SHTN1: variants seen among roughly 807,000 people sequenced by gnomAD.
SHTN1 encodes shootin 1, also known as shootin-1.
A neutral mutation model predicts 83.1 loss-of-function variants in SHTN1; 42 were observed. The observed-to-expected ratio is 0.51, with a 90% confidence interval of 0.39 to 0.65. SHTN1 has a LOEUF of 0.65. Among genes scored for constraint, SHTN1 ranks in the 30% least tolerant of loss-of-function variants. The pLI, the probability that SHTN1 is intolerant of heterozygous loss-of-function variation, is 0.00. For synonymous variants in SHTN1, 224 were observed against 247.7 expected (o/e 0.90, Z 0.90); for missense variants, 622 against 737.8 (o/e 0.84, Z 1.82).
chr10:116,914,750 G>C (rs746514162), intron 13 of SHTN1, among the ~76,000 whole-genome samples: 6 of 152,150 alleles, frequency 3.9e-5, no homozygotes, highest in Non-Finnish European at 7.4e-5. Context: ...AACAAAGGCA[G>C]GGGAGAGATC....
At chr10:117,109,553 CTT>C (rs374713015) in intron 1 of SHTN1, among the ~76,000 whole-genome samples, 47 of 42,930 alleles carry the variant, frequency 1.1e-3, no homozygotes, top group African/African-American at 3.6e-3. Flanking sequence ...ACATATATTA[CTT>C]TTTTTTTTTT....
chr10:116,886,328 GCTT>G lies in SHTN1; in HGVS notation c.*13_*15del, dbSNP rs1248574364. On this transcript the variant is annotated 3_prime_UTR_variant, in exon 17 of 17. Coordinates refer to ENST00000355371, the MANE Select transcript of SHTN1 (RefSeq NM_001127211.3). ...TGAAAAGGACTTCCAAACATGTCAG[GCTT>G]CTGGTTTATGGATCAGCAGTTGGAG... The G allele has an allele frequency of 3.7e-5, 57 of 1,552,176 alleles. No individual in the cohort carries two copies. Among genetic ancestry groups the G allele is most frequent in the Non-Finnish European group, 5.0e-5 (57 of 1,147,122 alleles).
chr10:116,927,813 G>A lies in SHTN1; in HGVS notation c.1091C>T (p.Pro364Leu), dbSNP rs139468743. 21 of 1,599,680 alleles carry A rather than the reference G, an allele frequency of 1.3e-5. No homozygotes were observed. In the African/African-American group the frequency reaches 2.6e-4, roughly 20 times the overall value. Residue 364 changes from proline to leucine, a missense_variant, in exon 11 of 17, where the codon CCT (proline) becomes CTT (leucine). Transcript: ENST00000355371. ...TTACCGGATAGGATTGGGAGGTGGA[G>A]GGGGAAGTGGTGGTGGAGGAGGAGG... is the stretch of plus-strand genomic sequence containing the variant. ...PPPPPPPPLP[P>L]PPPNPIRSLM...
At chr10:117,068,498 T>C (rs995148123) in intron 1 of SHTN1, among the ~76,000 whole-genome samples, 3 of 151,760 alleles carry the variant, frequency 2.0e-5, no homozygotes, top group African/African-American at 7.3e-5. Flanking sequence ...GATGTATAGA[T>C]CACTCTCAAG....
chr10:117,061,220 C>T (rs1163717278), intron 1 of SHTN1, among the ~76,000 whole-genome samples: 1 of 149,502 alleles, frequency 6.7e-6, no homozygotes, highest in African/African-American at 2.5e-5. Flanking sequence ...GATCCTGGCT[C>T]ACTGCAACCT....
chr10:116,897,688 A>T (rs887206009), intron 16 of SHTN1, among the ~76,000 whole-genome samples: 1 of 152,196 alleles, frequency 6.6e-6, no homozygotes, highest in Non-Finnish European at 1.5e-5. Flanking sequence ...CAGGGCAGGC[A>T]TTACTACCAT....
At chr10:116,922,771 C>T (rs1340152510) in intron 11 of SHTN1, among the ~76,000 whole-genome samples, 2 of 152,076 alleles carry the variant, frequency 1.3e-5, no homozygotes, top group Non-Finnish European at 2.9e-5. Context: ...TCGAGACCAG[C>T]CTGGCCAACA....
intron 1 of SHTN1, among the ~76,000 whole-genome samples, chr10:117,078,953 C>T (rs1853207733): frequency 6.6e-6 from 1 of 151,288 alleles, no homozygotes; most frequent in African/African-American, 2.4e-5. Context: ...TAGTGATGGC[C>T]CTGCTTTAAT....
At chr10:116,977,803 T>C (rs1850863135) in intron 2 of SHTN1, among the ~76,000 whole-genome samples, 1 of 152,072 alleles carries the variant, frequency 6.6e-6, no homozygotes, top group Non-Finnish European at 1.5e-5. Context: ...ACCTCGCAAG[T>C]AGCTGGGACT....
chr10:117,044,230 T>C (rs1246950188), intron 2 of SHTN1, among the ~76,000 whole-genome samples: 1 of 152,150 alleles, frequency 6.6e-6, no homozygotes, highest in African/African-American at 2.4e-5. Flanking sequence ...TACATATTCT[T>C]ATACACATAT....
intron 10 of SHTN1, 33 bp downstream of exon 10, chr10:116,929,816 A>G (rs1344030232): frequency 2.0e-6 from 3 of 1,507,206 alleles, no homozygotes; most frequent in Admixed American, 2.1e-5. Flanking sequence ...AAAGATTAAT[A>G]GTAAGACATA....
At chr10:116,931,364 T>C (rs984014242) in intron 9 of SHTN1, among the ~76,000 whole-genome samples, 20 of 152,132 alleles carry the variant, frequency 1.3e-4, no homozygotes, top group East Asian at 9.6e-4. Context: ...TTCTTGTGCT[T>C]CAGCCTCCTG....
At chr10:117,004,907 C>A in intron 1 of SHTN1, 115 bp downstream of exon 1, 3 of 886,042 alleles carry the variant, frequency 3.4e-6, no homozygotes, top group Non-Finnish European at 3.3e-6. Context: ...CTGCGGTGAC[C>A]ACGGCGGCCG....
At chr10:116,967,035 T>C (rs895936285) in intron 3 of SHTN1, among the ~76,000 whole-genome samples, 1 of 152,236 alleles carries the variant, frequency 6.6e-6, no homozygotes, top group East Asian at 1.9e-4. Context: ...TTAACCATAA[T>C]GCTGCATTTG....
At position 117,005,116 on chromosome 10, in the gene SHTN1, G is replaced by C. The variant is rs1415827842; in HGVS notation, c.-37C>G. ...GGGCCGGGAATAAAAGGGAAAGAGG[G>C]AGCGGCGCGGGGCACACAGGAGGAG... On this transcript the variant is annotated 5_prime_UTR_variant, in exon 1 of 17. Transcript: ENST00000355371. 1.9e-6 allele frequency: 3 copies of C among 1,573,294 alleles called. No individual in the cohort carries two copies. Among genetic ancestry groups the C allele is most frequent in the Non-Finnish European group, 8.6e-7 (1 of 1,158,788 alleles).
chr10:117,057,704 G>C (rs1465671209), intron 1 of SHTN1, among the ~76,000 whole-genome samples: 1 of 152,148 alleles, frequency 6.6e-6, no homozygotes, highest in African/African-American at 2.4e-5. Context: ...TATACCTTAA[G>C]CTGATCCCCG....
chr10:116,953,800 G>C (rs1230384484), intron 5 of SHTN1, among the ~76,000 whole-genome samples: 1 of 151,694 alleles, frequency 6.6e-6, no homozygotes, highest in Non-Finnish European at 1.5e-5. Context: ...GCTAATTTTT[G>C]TATTTTTTAG....
At chr10:116,960,406 A>G (rs983841079) in intron 3 of SHTN1, 176 bp from the exon 4 acceptor site, 7 of 490,060 alleles carry the variant, frequency 1.4e-5, no homozygotes, top group Admixed American at 3.5e-5. Context: ...CTAATATTTG[A>G]ATGTAGAAAG....
chr10:116,964,202 A>G (rs1850310078), intron 3 of SHTN1, among the ~76,000 whole-genome samples: 1 of 152,164 alleles, frequency 6.6e-6, no homozygotes, highest in African/African-American at 2.4e-5. Context: ...TACCATCGCC[A>G]TTTGTTGAGC....
Sources: gnomAD v4.1 joint callset for allele counts (sites outside exome capture counted in the v4.1 genomes callset) on GRCh38, gnomAD v4.1.1 for gene constraint, MANE v1.5 for transcripts, NCBI Gene and HGNC (gene_info 2026-07-23, HGNC 2026-07-21) for gene names.